The following DDX10 variants were observed in gnomAD, a reference collection of about 807,000 sequenced individuals.
DDX10 encodes probable ATP-dependent RNA helicase DDX10.
In DDX10, 74 loss-of-function variants were observed where a neutral mutation model predicts 104.3. That is an observed-to-expected ratio of 0.71 (90% CI 0.59 to 0.86). The LOEUF is 0.86. Ranked by LOEUF, DDX10 falls within the 40% of genes least tolerant of loss-of-function variation. The pLI is 0.00. For synonymous variants in DDX10, 351 were observed against 353.4 expected (o/e 0.99, Z 0.08); for missense variants, 952 against 1,040.0 (o/e 0.92, Z 1.16).
rs532604593 is a variant in DDX10 at position 108,723,218 on chromosome 11, A to G, written c.1721A>G (p.Asp574Gly). ...KRLEGTEHRQ[D>G]NDTGNEEQEE... ...CTCGAAGGGACAGAGCACAGACAGG[A>G]TAATGATACTGGTAATGAAGAACAG... Residue 574 changes from aspartate (D) to glycine (G), a missense_variant, in exon 13 of 18, where the codon GAT becomes GGT. By Grantham distance (94) the Asp-to-Gly change is moderately conservative. Transcript: ENST00000322536. The G allele has an allele frequency of 3.7e-6, 6 of 1,613,826 alleles. No homozygotes were observed. In the Admixed American group the frequency reaches 6.7e-5, roughly 18 times the overall value.
chr11:108,741,536 A>G (rs1057392291), intron 13 of DDX10, among the ~76,000 whole-genome samples: 2 of 152,026 alleles, frequency 1.3e-5, no homozygotes, highest in African/African-American at 4.8e-5. Context: ...GGTTAGCTGT[A>G]TTCCTAGGTA....
intron 13 of DDX10, among the ~76,000 whole-genome samples, chr11:108,740,302 A>G (rs572145985): frequency 1.4e-4 from 21 of 152,252 alleles, no homozygotes; most frequent in African/African-American, 4.8e-4. Flanking sequence ...TGTTGCTACA[A>G]AGGACATGAT....
intron 16 of DDX10, chr11:108,860,822 A>G (rs1228383405): frequency 6.6e-6 from 1 of 152,162 alleles, no homozygotes; most frequent in Non-Finnish European, 1.5e-5. Context: ...CTGGGATTGC[A>G]GGCATCAGCC....
intron 16 of DDX10, among the ~76,000 whole-genome samples, chr11:108,891,212 T>C (rs1281890582): frequency 6.6e-6 from 1 of 152,324 alleles, no homozygotes; most frequent in South Asian, 2.1e-4. Flanking sequence ...TTTAAGCATT[T>C]TGAGGAATTT....
intron 16 of DDX10, among the ~76,000 whole-genome samples, chr11:108,875,053 A>AT (rs1863133687): frequency 1.3e-5 from 2 of 152,210 alleles, no homozygotes; most frequent in African/African-American, 4.8e-5. Context: ...AGCTAAAGTT[A>AT]AACAACCAAT....
chr11:108,810,157 G>C (rs1256084408), intron 13 of DDX10, among the ~76,000 whole-genome samples: 2 of 152,130 alleles, frequency 1.3e-5, no homozygotes, highest in Non-Finnish European at 2.9e-5. Flanking sequence ...AATATAATAA[G>C]TGTTCAAAAT....
At chr11:108,810,224 C>T (rs954305321) in intron 13 of DDX10, among the ~76,000 whole-genome samples, 7 of 152,158 alleles carry the variant, frequency 4.6e-5, no homozygotes, top group East Asian at 3.9e-4. Flanking sequence ...CCTTCCTAAT[C>T]GATAAACATC....
At chr11:108,733,590 G>A (rs533143850) in intron 13 of DDX10, among the ~76,000 whole-genome samples, 11 of 152,228 alleles carry the variant, frequency 7.2e-5, no homozygotes, top group East Asian at 5.8e-4. Context: ...TTAGTGAAGC[G>A]CTAGCACTGG....
At chr11:108,709,189 G>A (rs1012876157) in intron 10 of DDX10, among the ~76,000 whole-genome samples, 1 of 152,186 alleles carries the variant, frequency 6.6e-6, no homozygotes. Flanking sequence ...AGAGCTTCCA[G>A]TTTCTCACCA....
At chr11:108,797,430 A>T (rs1422551284) in intron 13 of DDX10, among the ~76,000 whole-genome samples, 2 of 152,150 alleles carry the variant, frequency 1.3e-5, no homozygotes, top group Non-Finnish European at 2.9e-5. Context: ...CATTCTTTTA[A>T]CCTTACTGCA....
intron 16 of DDX10, among the ~76,000 whole-genome samples, chr11:108,882,382 C>T (rs1430672300): frequency 1.3e-5 from 2 of 152,136 alleles, no homozygotes; most frequent in Non-Finnish European, 2.9e-5. Context: ...CTGCTTTATT[C>T]ATGCTTTAAT....
intron 13 of DDX10, among the ~76,000 whole-genome samples, chr11:108,795,178 T>C (rs771524907): frequency 1.3e-5 from 2 of 152,054 alleles, no homozygotes; most frequent in Non-Finnish European, 2.9e-5. Flanking sequence ...TTCTTGGTAA[T>C]GTTTGACTCA....
At chr11:108,899,395 A>G (rs1863484733) in intron 16 of DDX10, among the ~76,000 whole-genome samples, 4 of 151,898 alleles carry the variant, frequency 2.6e-5, no homozygotes, top group Admixed American at 2.6e-4. Context: ...TTGTTCCCAT[A>G]CTTTTGCATT....
In DDX10 at chr11:108,790,723, C is replaced by T. The variant is rs113269598; in HGVS notation, c.1966-47723C>T. ...TAGAGTCTCTGGCTGTTTTTCACTT[C>T]AGTGCACAGAATTTGTGCCACTTCA... On this transcript the variant is annotated intron_variant, in intron 13 of 17. Coordinates refer to ENST00000322536, the MANE Select transcript of DDX10 (RefSeq NM_004398.4). Among the ~76,000 whole-genome samples the T allele has an allele frequency of 8.0e-4, 121 of 151,752 alleles. 1 individual carries two copies. The highest frequency in any genetic ancestry group is 2.9e-3 in the African/African-American group (120 of 41,448).
intron 13 of DDX10, among the ~76,000 whole-genome samples, chr11:108,811,640 T>A (rs1335316815): frequency 6.6e-6 from 1 of 152,234 alleles, no homozygotes; most frequent in African/African-American, 2.4e-5. Context: ...CATAATGTTA[T>A]AACCTTAGAC....
intron 13 of DDX10, among the ~76,000 whole-genome samples, chr11:108,770,020 G>C (rs1468925213): frequency 6.6e-6 from 1 of 152,198 alleles, no homozygotes; most frequent in African/African-American, 2.4e-5. Flanking sequence ...AATACAGCAG[G>C]ATTCTAATAA....
chr11:108,724,305 G>A (rs541023822), intron 13 of DDX10, among the ~76,000 whole-genome samples: 111 of 151,848 alleles, frequency 7.3e-4, no homozygotes, highest in African/African-American at 2.5e-3. Context: ...CCTAGAAAAT[G>A]TGCTTATTGA....
chr11:108,887,580 C>T (rs1256430413), intron 16 of DDX10, among the ~76,000 whole-genome samples: 2 of 144,938 alleles, frequency 1.4e-5, no homozygotes, highest in Non-Finnish European at 3.1e-5. Flanking sequence ...TCATAGTCTG[C>T]TTAAAAAAAA....
chr11:108,674,944 T>G (rs1199312911), intron 2 of DDX10, among the ~76,000 whole-genome samples: 1 of 152,204 alleles, frequency 6.6e-6, no homozygotes, highest in Non-Finnish European at 1.5e-5. Context: ...GAATTTGGCT[T>G]TTTTAGATTC....
Sources: allele counts gnomAD v4.1 joint callset (sites outside exome capture counted in the v4.1 genomes callset), GRCh38; gene constraint gnomAD v4.1.1; transcripts MANE v1.5; gene names NCBI Gene and HGNC (gene_info 2026-07-23, HGNC 2026-07-21).